The following SLX4IP variants were observed in gnomAD, a reference collection of about 807,000 sequenced individuals.
SLX4IP encodes SLX4 interacting protein.
Under a neutral mutation model 32.9 loss-of-function variants are expected in SLX4IP, and 34 were observed. The observed-to-expected ratio is 1.03, with a 90% CI of 0.79 to 1.38. The LOEUF is 1.38. SLX4IP is among the 40% of genes most tolerant of loss of function. The probability of loss-of-function intolerance (pLI) is 0.00; values close to 1 mark genes in which losing one functional copy is unlikely to be tolerated. For synonymous variants in SLX4IP, 172 were observed against 171.7 expected (o/e 1.00, Z -0.01); for missense variants, 444 against 479.0 (o/e 0.93, Z 0.68).
chr20:10,568,614 C>T (rs1415193285), intron 4 of SLX4IP, among the ~76,000 whole-genome samples: 4 of 152,192 alleles, frequency 2.6e-5, no homozygotes, highest in Non-Finnish European at 5.9e-5. Context: ...TTTCAGGTTT[C>T]TCATGGCGGC....
chr20:10,475,049 A>G (rs1161260526), intron 2 of SLX4IP, among the ~76,000 whole-genome samples: 1 of 152,188 alleles, frequency 6.6e-6, no homozygotes, highest in African/African-American at 2.4e-5. Context: ...GCTGCTCTTC[A>G]TTGGGAATAT....
In SLX4IP at chr20:10,472,152, T is replaced by C. The variant is rs575071143; in HGVS notation, c.27+13921T>C. On this transcript the variant is annotated intron_variant, in intron 2 of 7. Coordinates refer to ENST00000334534, the MANE Select transcript of SLX4IP (RefSeq NM_001009608.3). ...GTGTAGTTTTCTTATTTGTTTATTATAGTTTTCTTATCTATTAAATGAGAT... is the reference window on the plus strand; with the variant it reads ...GTGTAGTTTTCTTATTTGTTTATTACAGTTTTCTTATCTATTAAATGAGAT... Among the ~76,000 whole-genome samples the C allele has an allele frequency of 5.9e-5, 9 of 152,302 alleles. No individual in the cohort carries two copies. In the South Asian group the frequency reaches 1.9e-3, roughly 32 times the overall value.
intron 2 of SLX4IP, among the ~76,000 whole-genome samples, chr20:10,465,712 G>T (rs2065375280): frequency 6.6e-6 from 1 of 152,202 alleles, no homozygotes; most frequent in African/African-American, 2.4e-5. Flanking sequence ...TGCCATGTTG[G>T]CCAGGCTGGT....
chr20:10,520,513 T>A (rs935355587), intron 2 of SLX4IP, among the ~76,000 whole-genome samples: 2 of 147,106 alleles, frequency 1.4e-5, no homozygotes, highest in Middle Eastern at 3.5e-3. Context: ...GTGTTTTTAA[T>A]TTGATAAGCC....
Position 10,495,069 on chromosome 20 carries a change from A to G in SLX4IP, c.27+36838A>G, listed in dbSNP as rs149965332. On this transcript the variant is annotated intron_variant, in intron 2 of 7. Transcript: ENST00000334534. ...TTCCACATTTTTCCCATTTATCAAA[A>G]CATCACATTGTACTGAATAAATACA... Among the ~76,000 whole-genome samples the G allele has an allele frequency of 1.7e-3, 266 of 152,306 alleles. 6 individuals carry two copies. The East Asian group carries it at 0.046, about 26-fold the overall frequency.
chr20:10,599,220 G>T (rs2066812083), intron 5 of SLX4IP, among the ~76,000 whole-genome samples: 1 of 152,110 alleles, frequency 6.6e-6, no homozygotes, highest in Non-Finnish European at 1.5e-5. Flanking sequence ...GCCAGCAACA[G>T]TAAAGTCAGA....
intron 6 of SLX4IP, 152 bp from the exon 7 acceptor site, chr20:10,621,162 A>G: frequency 1.5e-6 from 1 of 652,534 alleles, no homozygotes. Flanking sequence ...ATAAAGTCCT[A>G]GGTAAAAAAG....
chr20:10,618,660 G>A (rs1166708693), intron 6 of SLX4IP, among the ~76,000 whole-genome samples: 1 of 152,142 alleles, frequency 6.6e-6, no homozygotes, highest in Non-Finnish European at 1.5e-5. Flanking sequence ...CTTTGAATAT[G>A]TTGGGTTTAT....
intron 2 of SLX4IP, among the ~76,000 whole-genome samples, chr20:10,486,500 C>G (rs758182972): frequency 6.6e-6 from 1 of 152,106 alleles, no homozygotes; most frequent in Non-Finnish European, 1.5e-5. Flanking sequence ...CCTCACAACA[C>G]CCTGGTAAAA....
chr20:10,601,646 TTAAAA>T (rs1285023435), intron 5 of SLX4IP, 80 bp from the exon 6 acceptor site: 2 of 1,176,600 alleles, frequency 1.7e-6, no homozygotes, highest in Admixed American at 1.9e-5. Context: ...TTGCAGTAAC[TTAAAA>T]TGAACAAAAA....
intron 2 of SLX4IP, among the ~76,000 whole-genome samples, chr20:10,499,366 G>A (rs975014916): frequency 3.9e-5 from 6 of 152,062 alleles, no homozygotes; most frequent in African/African-American, 1.4e-4. Context: ...TGAAACCAAA[G>A]TATCACAAAA....
At chr20:10,491,061 G>A (rs1237479667) in intron 2 of SLX4IP, among the ~76,000 whole-genome samples, 1 of 138,436 alleles carries the variant, frequency 7.2e-6, no homozygotes, top group Admixed American at 7.5e-5. Flanking sequence ...GCTGTCAGTA[G>A]GCTCCACTTT....
intron 4 of SLX4IP, among the ~76,000 whole-genome samples, chr20:10,597,500 G>T (rs987833448): frequency 3.3e-5 from 5 of 152,218 alleles, no homozygotes; most frequent in African/African-American, 1.2e-4. Context: ...ACGAATGATA[G>T]TGTCTCCATT....
At chr20:10,507,904 TTA>T (rs3063286) in intron 2 of SLX4IP, among the ~76,000 whole-genome samples, 10 of 147,126 alleles carry the variant, frequency 6.8e-5, no homozygotes, top group African/African-American at 9.9e-5. Context: ...ACAGTCTCCT[TTA>T]TATATATATA....
intron 1 of SLX4IP, among the ~76,000 whole-genome samples, chr20:10,445,708 T>A (rs1463060838): frequency 2.0e-5 from 3 of 150,306 alleles, no homozygotes; most frequent in Non-Finnish European, 4.4e-5. Flanking sequence ...CACTGCAACC[T>A]CCGCCTCCTG....
intron 4 of SLX4IP, among the ~76,000 whole-genome samples, chr20:10,593,562 A>G (rs1304366538): frequency 6.6e-6 from 1 of 152,122 alleles, no homozygotes; most frequent in Non-Finnish European, 1.5e-5. Context: ...TAGGGGGACC[A>G]TGTCTCTAAA....
At chr20:10,486,791 CTTACA>C (rs2065578087) in intron 2 of SLX4IP, among the ~76,000 whole-genome samples, 1 of 152,160 alleles carries the variant, frequency 6.6e-6, no homozygotes, top group African/African-American at 2.4e-5. Context: ...TTGAAATCAA[CTTACA>C]TTAAACGTTC....
In SLX4IP at chr20:10,521,403, T is replaced by TC. The variant is rs1348626474; in HGVS notation, c.28-34827dup. ...ATTGCTCTTCTTTTAGGAGCTCCCA[T>TC]CACCTCTCTTCTCTCTACGTGGGTT... On this transcript the variant is annotated intron_variant, in intron 2 of 7. Transcript: ENST00000334534. Among the ~76,000 whole-genome samples, 6 of 152,290 alleles carry TC rather than the reference T, an allele frequency of 3.9e-5. No individual in the cohort carries two copies. In the East Asian group the frequency reaches 1.2e-3, roughly 29 times the overall value.
At chr20:10,603,651 T>C (rs1167306612) in intron 6 of SLX4IP, among the ~76,000 whole-genome samples, 1 of 152,168 alleles carries the variant, frequency 6.6e-6, no homozygotes, top group Non-Finnish European at 1.5e-5. Flanking sequence ...TCTTCACATA[T>C]ACATTTTCCC....
Sources: allele counts gnomAD v4.1 joint callset (sites outside exome capture counted in the v4.1 genomes callset), GRCh38; gene constraint gnomAD v4.1.1; transcripts MANE v1.5; gene names NCBI Gene and HGNC (gene_info 2026-07-23, HGNC 2026-07-21).